The following CDK5RAP2 variants were observed in gnomAD, a reference collection of about 807,000 sequenced individuals.
CDK5RAP2 encodes CDK5 regulatory subunit-associated protein 2.
A neutral mutation model predicts 232.9 loss-of-function variants in CDK5RAP2; 147 were observed. That is an observed-to-expected ratio of 0.63 (90% CI 0.55 to 0.72). The LOEUF (loss-of-function observed/expected upper bound fraction) is 0.72, where lower values mean the gene tolerates loss of function less well. Ranked by LOEUF, CDK5RAP2 falls within the 30% of genes least tolerant of loss-of-function variation. The pLI, the probability that CDK5RAP2 is intolerant of heterozygous loss-of-function variation, is 0.00. For missense variants in CDK5RAP2, 2,195 were observed against 2,231.5 expected (o/e 0.98, Z 0.33); for synonymous variants, 833 against 833.7 (o/e 1.00, Z 0.01).
intron 22 of CDK5RAP2, among the ~76,000 whole-genome samples, chr9:120,444,112 G>A (rs1299123926): frequency 6.6e-6 from 1 of 152,202 alleles, no homozygotes. Context: ...AAACAGTATT[G>A]AGTGCAAATG....
At chr9:120,443,573 C>T (rs767985248) in intron 23 of CDK5RAP2, 47 bp downstream of exon 23, 2 of 1,605,986 alleles carry the variant, frequency 1.2e-6, no homozygotes, top group Non-Finnish European at 8.5e-7. Context: ...CCAAATGGTG[C>T]CTGGCACATG....
chr9:120,520,863 C>CTG (rs879569302), intron 11 of CDK5RAP2, among the ~76,000 whole-genome samples: 29,730 of 92,242 alleles, frequency 0.32, 11,762 homozygotes, highest in Non-Finnish European at 0.36. Flanking sequence ...CTCATATGAG[C>CTG]TATATCTCAT....
intron 11 of CDK5RAP2, among the ~76,000 whole-genome samples, chr9:120,519,106 G>A (rs200192174): frequency 7.9e-5 from 12 of 151,914 alleles, no homozygotes; most frequent in African/African-American, 2.2e-4. Flanking sequence ...ACCCGGAGGC[G>A]GAGGTTGCAG....
chr9:120,481,224 G>A (rs1047037217), intron 14 of CDK5RAP2, among the ~76,000 whole-genome samples: 1 of 152,242 alleles, frequency 6.6e-6, no homozygotes, highest in African/African-American at 2.4e-5. Flanking sequence ...GAGGCCAGGT[G>A]TGGGCTTCAA....
chr9:120,574,017 G>A (rs1249506059), intron 1 of CDK5RAP2, among the ~76,000 whole-genome samples: 2 of 152,084 alleles, frequency 1.3e-5, no homozygotes, highest in East Asian at 3.8e-4. Context: ...AACTCCCACT[G>A]GCTAAAACTG....
In CDK5RAP2 at chr9:120,411,389, G is replaced by A. The variant is rs770262027; in HGVS notation, c.4383C>T (p.Ala1461=). 1.2e-6 allele frequency: 2 copies of A among 1,611,470 alleles called. No homozygotes were observed. The highest frequency in any genetic ancestry group is 1.1e-5 in the South Asian group (1 of 91,030). Residue 1461 remains alanine, a synonymous_variant, in exon 29 of 38, where the codon GCC becomes GCT. Coordinates refer to ENST00000349780, the MANE Select transcript of CDK5RAP2 (RefSeq NM_018249.6). ...EIHFLRKQNQ[A]LNAMLIKGSR... is the part of the protein sequence containing the mutation. ...ATCCTTTAATGAGCATTGCATTGAGGGCCTGGTTCTGCTTCCTCAAGAAAT... is the reference window on the plus strand; with the variant it reads ...ATCCTTTAATGAGCATTGCATTGAGAGCCTGGTTCTGCTTCCTCAAGAAAT...
At position 120,487,316 on chromosome 9, in the gene CDK5RAP2, C is replaced by T. The variant is rs1466200377; in HGVS notation, c.1604G>A (p.Gly535Asp). ...TACCTTAGAGAAGATGGTTTTGCTGCCTGGTGGCTGTTGAGAAGAGCACTT... is the reference window on the plus strand; with the variant it reads ...TACCTTAGAGAAGATGGTTTTGCTGTCTGGTGGCTGTTGAGAAGAGCACTT... ...TEKCSSQQPP[G>D]SKTIFSKEKK... The change falls in exon 14 of 38, where the codon GGC (glycine) becomes GAC (aspartate). Residue 535 changes from glycine (G) to aspartate (D), a missense_variant. Gly to Asp is a moderately conservative substitution (Grantham distance 94). Transcript: ENST00000349780. The T allele has an allele frequency of 1.2e-6, 2 of 1,614,000 alleles. No homozygotes were observed. The highest frequency in any genetic ancestry group is 2.7e-5 in the African/African-American group (2 of 74,930).
intron 15 of CDK5RAP2, among the ~76,000 whole-genome samples, chr9:120,474,081 CAACT>C (rs1320260076): frequency 6.6e-6 from 1 of 152,192 alleles, no homozygotes; most frequent in African/African-American, 2.4e-5. Context: ...CAAGCCAGTT[CAACT>C]AACTGAGTCC....
Position 120,458,514 on chromosome 9 carries a change from C to G in CDK5RAP2, c.2311G>C (p.Gly771Arg). 6.2e-7 allele frequency: 1 copy of G among 1,614,184 alleles called. No homozygotes were observed. Among genetic ancestry groups the G allele is most frequent in the Non-Finnish European group, 8.5e-7 (1 of 1,180,026 alleles). Residue 771 changes from glycine (G) to arginine (R), a missense_variant, in exon 20 of 38, where the codon GGT (glycine) becomes CGT (arginine). Gly to Arg is a moderately radical substitution (Grantham distance 125, BLOSUM62 -2). Transcript: ENST00000349780. ...GAHAPGCLEEGAFINLLAPLF... is the reference protein window; with the variant it reads ...GAHAPGCLEERAFINLLAPLF... ...GGGGCAAGCAGGTTTATGAATGCAC[C>G]TTCTTCTAGGCAGCCAGGTGCGTGG... is the stretch of plus-strand genomic sequence containing the variant.
At position 120,439,983 on chromosome 9, in the gene CDK5RAP2, A is replaced by T. The variant is rs764244655; in HGVS notation, c.3149-11T>A. The T allele has an allele frequency of 6.2e-7, 1 of 1,609,576 alleles. No homozygotes were observed. The highest frequency in any genetic ancestry group is 1.3e-5 in the African/African-American group (1 of 74,872). ...GGCAAATCTCAGAGTCTGAAAATCA[A>T]ATACACTTATGTCAGTATCTCTTTT... On this transcript the variant is annotated splice_polypyrimidine_tract_variant and intron_variant, in intron 23 of 37. Coordinates refer to ENST00000349780, the MANE Select transcript of CDK5RAP2 (RefSeq NM_018249.6).
At chr9:120,445,272 T>C (rs2036121611) in intron 22 of CDK5RAP2, among the ~76,000 whole-genome samples, 1 of 152,180 alleles carries the variant, frequency 6.6e-6, no homozygotes, top group Non-Finnish European at 1.5e-5. Flanking sequence ...CATCATTCTC[T>C]CTCTTACCTG....
At chr9:120,463,328 G>A (rs1029336911) in intron 18 of CDK5RAP2, among the ~76,000 whole-genome samples, 1 of 152,088 alleles carries the variant, frequency 6.6e-6, no homozygotes, top group African/African-American at 2.4e-5. Context: ...CTGAGATCGC[G>A]CCACTGCACT....
intron 15 of CDK5RAP2, among the ~76,000 whole-genome samples, chr9:120,475,531 T>A (rs1319875708): frequency 1.3e-5 from 2 of 152,006 alleles, no homozygotes; most frequent in African/African-American, 4.8e-5. Context: ...ATGAAATGTG[T>A]CCACTCCCTC....
Position 120,403,174 on chromosome 9 carries a change from G to A in CDK5RAP2, c.5042-103C>T, listed in dbSNP as rs1312058499. 28 of 1,190,172 alleles carry A rather than the reference G, an allele frequency of 2.4e-5. No homozygotes were observed. The highest frequency in any genetic ancestry group is 1.2e-4 in the South Asian group (9 of 76,942). 73.7% of individuals were successfully genotyped at this position (1,190,172 alleles called of 1,614,324 possible). The stretch of plus-strand genomic sequence containing the variant: ...GCTAGGAGGGCTAGAAGAGGCCCTC[G>A]TGCCCAAATGCCACCCAACACAAGC... On this transcript the variant is annotated intron_variant, in intron 33 of 37. Transcript: ENST00000349780. The surrounding 1 kb of genome is among the most constrained non-coding windows in gnomAD (Gnocchi z 4.2).
chr9:120,509,178 C>T (rs978917950), intron 12 of CDK5RAP2, among the ~76,000 whole-genome samples: 1 of 152,200 alleles, frequency 6.6e-6, no homozygotes, highest in Admixed American at 6.5e-5. Context: ...CAGACAAGCA[C>T]TTTCTTCAGA....
intron 35 of CDK5RAP2, among the ~76,000 whole-genome samples, chr9:120,396,788 A>C (rs899146521): frequency 1.3e-5 from 2 of 152,224 alleles, no homozygotes; most frequent in African/African-American, 4.8e-5. Context: ...TACTTACAAC[A>C]GGGAATTTTA....
intron 7 of CDK5RAP2, among the ~76,000 whole-genome samples, chr9:120,530,540 C>A (rs540171319): frequency 6.6e-6 from 1 of 152,144 alleles, no homozygotes; most frequent in Non-Finnish European, 1.5e-5. Flanking sequence ...GTGGAAAAAA[C>A]GGAATGTCTT....
At chr9:120,548,180 A>G (rs1302567318) in intron 4 of CDK5RAP2, among the ~76,000 whole-genome samples, 3 of 152,240 alleles carry the variant, frequency 2.0e-5, no homozygotes, top group Non-Finnish European at 2.9e-5. Flanking sequence ...GATCTTTGCA[A>G]AAAGGACACT....
At chr9:120,469,374 C>CA (rs2037562923) in intron 17 of CDK5RAP2, among the ~76,000 whole-genome samples, 1 of 152,210 alleles carries the variant, frequency 6.6e-6, no homozygotes, top group African/African-American at 2.4e-5. Context: ...TGTACAGCTG[C>CA]CCATACAGCA....
Sources: gnomAD v4.1 joint callset for allele counts (sites outside exome capture counted in the v4.1 genomes callset) on GRCh38, gnomAD v4.1.1 for gene constraint, Gnocchi (gnomAD v3.1) non-coding constraint, MANE v1.5 for transcripts, NCBI Gene and HGNC (gene_info 2026-07-23, HGNC 2026-07-21) for gene names.